The following HHAT variants were observed in gnomAD, a reference collection of about 807,000 sequenced individuals.
HHAT encodes the protein protein-cysteine N-palmitoyltransferase HHAT.
A neutral mutation model predicts 70.8 loss-of-function variants in HHAT; 47 were observed. The ratio of observed to expected loss-of-function variants is 0.66; its 90% confidence interval spans 0.53 to 0.85. The LOEUF (loss-of-function observed/expected upper bound fraction) is 0.85, where lower values mean the gene tolerates loss of function less well. HHAT is among the 40% of genes least tolerant of loss of function. HHAT has a pLI of 0.00. For missense variants in HHAT, 609 were observed against 604.8 expected (o/e 1.01, Z -0.07); for synonymous variants, 228 against 247.6 (o/e 0.92, Z 0.74).
chr1:210,410,732 G>A (rs1004175748), intron 6 of HHAT, among the ~76,000 whole-genome samples: 4 of 151,404 alleles, frequency 2.6e-5, no homozygotes, highest in Non-Finnish European at 5.9e-5. Context: ...GACCCTGTTG[G>A]CCAGGCTAGT....
chr1:210,663,529 G>A (rs1678227932), intron 11 of HHAT, among the ~76,000 whole-genome samples: 1 of 152,166 alleles, frequency 6.6e-6, no homozygotes, highest in African/African-American at 2.4e-5. Context: ...CTACTAAATG[G>A]GGCTGGTGAC....
At chr1:210,588,397 C>G (rs970017023) in intron 10 of HHAT, 5 of 298,310 alleles carry the variant, frequency 1.7e-5, no homozygotes. Flanking sequence ...ATCCATTCTT[C>G]TAAATTTTTT....
intron 3 of HHAT, among the ~76,000 whole-genome samples, chr1:210,371,497 A>G (rs948008906): frequency 1.8e-4 from 28 of 152,204 alleles, no homozygotes; most frequent in African/African-American, 5.5e-4. Flanking sequence ...TCTTCAACCC[A>G]CATTCTTTGG....
rs572301712 is a variant in HHAT, at chr1:210,440,847, G to A, written c.856+22522G>A. On this transcript the variant is annotated intron_variant, in intron 7 of 11. Transcript: ENST00000261458. ...TTTTTCCTGAGTGTCTGATGCTGAC[G>A]GGTACTGAGTATCAGTTTCTTGAAC... Among the ~76,000 whole-genome samples the A allele has an allele frequency of 2.2e-4, 33 of 152,286 alleles. 1 individual carries two copies. Among genetic ancestry groups the A allele is most frequent in the African/African-American group, 6.3e-4 (26 of 41,556 alleles).
intron 7 of HHAT, among the ~76,000 whole-genome samples, chr1:210,459,259 T>G (rs1338955075): frequency 6.6e-6 from 1 of 152,130 alleles, no homozygotes; most frequent in Non-Finnish European, 1.5e-5. Context: ...TGAACTTCAG[T>G]AGAGACTTAA....
chr1:210,443,178 G>A (rs2093561004), intron 7 of HHAT, among the ~76,000 whole-genome samples: 1 of 150,890 alleles, frequency 6.6e-6, no homozygotes, highest in Admixed American at 6.6e-5. Context: ...TATTTCTGAG[G>A]GCTCTGTTCT....
intron 9 of HHAT, among the ~76,000 whole-genome samples, chr1:210,574,646 T>C (rs1399207469): frequency 3.3e-5 from 5 of 152,266 alleles, no homozygotes; most frequent in Non-Finnish European, 5.9e-5. Flanking sequence ...CAGTACTGGG[T>C]TGCTTTGAAA....
At chr1:210,521,259 T>C (rs1159148167) in intron 9 of HHAT, among the ~76,000 whole-genome samples, 5 of 152,316 alleles carry the variant, frequency 3.3e-5, no homozygotes, top group Non-Finnish European at 7.3e-5. Context: ...GCTTGTAGTG[T>C]CTTTTATTCT....
chr1:210,526,204 C>T (rs995583352), intron 9 of HHAT, among the ~76,000 whole-genome samples: 6 of 152,206 alleles, frequency 3.9e-5, no homozygotes, highest in African/African-American at 1.2e-4. Flanking sequence ...GAGCCCCTTT[C>T]CCTGAGTCCA....
chr1:210,611,042 C>G (rs977607595), intron 10 of HHAT, among the ~76,000 whole-genome samples: 2 of 152,088 alleles, frequency 1.3e-5, no homozygotes, highest in African/African-American at 4.8e-5. Context: ...TTTTCTAATT[C>G]TGTGAATGAT....
At chr1:210,422,138 T>A (rs1310274689) in intron 7 of HHAT, among the ~76,000 whole-genome samples, 1 of 152,216 alleles carries the variant, frequency 6.6e-6, no homozygotes, top group Non-Finnish European at 1.5e-5. Flanking sequence ...TTCAAAATAA[T>A]TTTTTAAATT....
intron 7 of HHAT, among the ~76,000 whole-genome samples, chr1:210,433,547 TA>T (rs1228754288): frequency 8.5e-6 from 1 of 118,202 alleles, no homozygotes; most frequent in Non-Finnish European, 1.7e-5. Flanking sequence ...GGAAGGTGTT[TA>T]ATCCTCTCCT....
At chr1:210,500,262 A>G (rs1308457154) in intron 8 of HHAT, among the ~76,000 whole-genome samples, 1 of 152,226 alleles carries the variant, frequency 6.6e-6, no homozygotes, top group East Asian at 1.9e-4. Context: ...TGTATTCACA[A>G]ACTGCTGAAG....
intron 9 of HHAT, among the ~76,000 whole-genome samples, chr1:210,549,970 AG>A (rs1177972150): frequency 6.7e-6 from 1 of 149,292 alleles, no homozygotes; most frequent in African/African-American, 2.5e-5. Context: ...AGGGCTCATC[AG>A]AGCCACAGAA....
intron 11 of HHAT, among the ~76,000 whole-genome samples, chr1:210,638,722 CAAAAAAA>C (rs71146238): frequency 0.025 from 2,416 of 95,314 alleles, 43 homozygotes; most frequent in African/African-American, 0.068. Context: ...CCTGTATTTA[CAAAAAAA>C]AAAAAAAAAA....
intron 8 of HHAT, among the ~76,000 whole-genome samples, chr1:210,485,499 G>T (rs2501885): frequency 0.67 from 101,871 of 151,888 alleles, 34,457 homozygotes; most frequent in East Asian, 0.88. Context: ...CCTCAGGTCC[G>T]GGGGCTGCTT....
At chr1:210,612,654 A>G (rs1474828501) in intron 10 of HHAT, among the ~76,000 whole-genome samples, 1 of 152,090 alleles carries the variant, frequency 6.6e-6, no homozygotes, top group African/African-American at 2.4e-5. Context: ...TCTTTTTTGT[A>G]TATACCTAGA....
chr1:210,386,950 T>G (rs116720142), intron 3 of HHAT, among the ~76,000 whole-genome samples: 16 of 152,336 alleles, frequency 1.1e-4, no homozygotes, highest in Admixed American at 2.6e-4. Context: ...TTATTCTGTC[T>G]GTAAATGGCA....
chr1:210,413,614 G>C (rs1166280097), intron 6 of HHAT, among the ~76,000 whole-genome samples: 1 of 152,112 alleles, frequency 6.6e-6, no homozygotes, highest in Non-Finnish European at 1.5e-5. Flanking sequence ...CACAAATTCT[G>C]CCTTCCACAA....
Sources: gnomAD v4.1 joint callset for allele counts (sites outside exome capture counted in the v4.1 genomes callset) on GRCh38, gnomAD v4.1.1 for gene constraint, MANE v1.5 for transcripts, NCBI Gene and HGNC (gene_info 2026-07-23, HGNC 2026-07-21) for gene names.